Variants in CPEB1 observed in about 807,000 individuals in gnomAD.
CPEB1 encodes cytoplasmic polyadenylation element-binding protein 1.
Under a neutral mutation model 65.8 loss-of-function variants are expected in CPEB1, and 7 were observed. That is an observed-to-expected ratio of 0.11 (90% confidence interval 0.06 to 0.20). The LOEUF (loss-of-function observed/expected upper bound fraction) is 0.20. CPEB1 is among the 10% of genes least tolerant of loss of function. The probability of loss-of-function intolerance (pLI) is 1.00; values close to 1 mark genes in which losing one functional copy is unlikely to be tolerated. For missense variants in CPEB1, 551 were observed against 712.2 expected (o/e 0.77, Z 2.58); for synonymous variants, 262 against 260.0 (o/e 1.01, Z -0.08).
chr15:82,571,773 G>C, intron 3 of CPEB1: 1 of 1,299,214 alleles, frequency 7.7e-7, no homozygotes. Context: ...GACTGGGCCA[G>C]CATGTGATCA....
At chr15:82,566,658 G>A (rs17158413) in intron 4 of CPEB1, among the ~76,000 whole-genome samples, 31,125 of 151,904 alleles carry the variant, frequency 0.2, 3,364 homozygotes, top group Non-Finnish European at 0.24. Context: ...CTGTAGAAAA[G>A]ACATATTCAT....
At chr15:82,583,824 T>C (rs1269009353) in intron 3 of CPEB1, among the ~76,000 whole-genome samples, 1 of 152,138 alleles carries the variant, frequency 6.6e-6, no homozygotes, top group Non-Finnish European at 1.5e-5. Context: ...ACATATAAAA[T>C]AGTAATAATA....
intron 9 of CPEB1, 94 bp from the exon 10 acceptor site, chr15:82,549,752 C>T (rs1034159639): frequency 8.1e-7 from 1 of 1,232,576 alleles, no homozygotes; most frequent in Non-Finnish European, 1.2e-6. Context: ...GATACTGAAG[C>T]TAAGCTAACG....
intron 3 of CPEB1, among the ~76,000 whole-genome samples, chr15:82,610,985 A>AAAAAAAAAAAAG (rs2044098031): frequency 6.8e-6 from 1 of 146,934 alleles, no homozygotes; most frequent in Admixed American, 6.8e-5. Flanking sequence ...AAAAAAAAAA[A>AAAAAAAAAAAAG]AAAGAAAAAA....
At chr15:82,647,849 C>T (rs1403517988), upstream of CPEB1, 6 of 1,273,282 alleles carry the variant, frequency 4.7e-6, no homozygotes, top group Non-Finnish European at 5.9e-6. Context: ...CGGCGGGTGG[C>T]TCTTACCAGC....
intron 5 of CPEB1, among the ~76,000 whole-genome samples, chr15:82,557,341 C>A (rs2037391940): frequency 1.3e-5 from 2 of 152,168 alleles, no homozygotes; most frequent in African/African-American, 4.8e-5. Flanking sequence ...CTAATTACTA[C>A]TTAAAAATTT....
intron 1 of CPEB1, among the ~76,000 whole-genome samples, chr15:82,630,465 G>T (rs1468655497): frequency 6.6e-6 from 1 of 152,076 alleles, no homozygotes; most frequent in East Asian, 1.9e-4. Flanking sequence ...CATTAGACAG[G>T]TATGGTGGTA....
intron 1 of CPEB1, among the ~76,000 whole-genome samples, chr15:82,643,835 C>T (rs587707393): frequency 2.0e-4 from 31 of 152,068 alleles, no homozygotes; most frequent in African/African-American, 7.5e-4. Flanking sequence ...TTTTTTTTAA[C>T]CTTTATTAAT....
At chr15:82,611,781 C>G (rs896924872) in intron 3 of CPEB1, among the ~76,000 whole-genome samples, 1 of 149,450 alleles carries the variant, frequency 6.7e-6, no homozygotes, top group Non-Finnish European at 1.5e-5. Flanking sequence ...AAAAAACACA[C>G]AGTAAATCAA....
At chr15:82,641,682 C>T (rs969695979) in intron 1 of CPEB1, 10 of 151,884 alleles carry the variant, frequency 6.6e-5, no homozygotes, top group African/African-American at 2.4e-4. Flanking sequence ...ATCACGAATG[C>T]CTTAAATAAA....
chr15:82,593,844 G>GACC (rs1173719718), intron 3 of CPEB1, among the ~76,000 whole-genome samples: 1 of 152,178 alleles, frequency 6.6e-6, no homozygotes, highest in African/African-American at 2.4e-5. Flanking sequence ...AAGCTCGAGT[G>GACC]ACCAAGTGCA....
intron 1 of CPEB1, chr15:82,633,105 G>A (rs1316143787): frequency 6.6e-6 from 1 of 151,940 alleles, no homozygotes; most frequent in African/African-American, 2.4e-5. Context: ...TTGACCTTTA[G>A]TTGGTCTTCT....
intron 3 of CPEB1, among the ~76,000 whole-genome samples, chr15:82,580,055 C>T (rs545658432): frequency 6.7e-6 from 1 of 150,248 alleles, no homozygotes; most frequent in African/African-American, 2.4e-5. Flanking sequence ...GGCGCGGTGG[C>T]TCACACCTGT....
intron 4 of CPEB1, among the ~76,000 whole-genome samples, chr15:82,568,739 C>A (rs1338657256): frequency 6.6e-6 from 1 of 152,164 alleles, no homozygotes; most frequent in East Asian, 1.9e-4. Context: ...AGATGCAGCA[C>A]TCGGTATACC....
intron 6 of CPEB1, among the ~76,000 whole-genome samples, chr15:82,555,353 C>T (rs377643485): frequency 2.0e-5 from 3 of 152,270 alleles, no homozygotes; most frequent in East Asian, 3.9e-4. Flanking sequence ...ACCAGGACAT[C>T]TGGTGACACT....
intron 3 of CPEB1, among the ~76,000 whole-genome samples, chr15:82,611,381 T>C (rs1228477486): frequency 6.6e-6 from 1 of 152,106 alleles, no homozygotes; most frequent in Non-Finnish European, 1.5e-5. Flanking sequence ...ACTTGGACAC[T>C]GAAAACTGTA....
At chr15:82,608,743 CTAA>C in intron 3 of CPEB1, among the ~76,000 whole-genome samples, 1 of 149,980 alleles carries the variant, frequency 6.7e-6, no homozygotes, top group South Asian at 2.1e-4. Flanking sequence ...TGCCATTTCA[CTAA>C]TATTACCCTG....
chr15:82,637,871 A>T (rs2046790193), intron 1 of CPEB1: 1 of 373,504 alleles, frequency 2.7e-6, no homozygotes, highest in Admixed American at 3.2e-5. Context: ...TTGTGTAAGT[A>T]GGTCATATGA....
chr15:82,618,464 T>A (rs548333120), intron 3 of CPEB1, among the ~76,000 whole-genome samples: 1 of 152,346 alleles, frequency 6.6e-6, no homozygotes, highest in East Asian at 1.9e-4. Context: ...TCCTGGTTCC[T>A]ATAGCAAACT....
Sources: gnomAD v4.1 joint callset for allele counts (sites outside exome capture counted in the v4.1 genomes callset) on GRCh38, gnomAD v4.1.1 for gene constraint, MANE v1.5 for transcripts, NCBI Gene and HGNC (gene_info 2026-07-23, HGNC 2026-07-21) for gene names.